The following TVP23C variants were observed in gnomAD, a reference collection of about 807,000 sequenced individuals.
TVP23C encodes Golgi apparatus membrane protein TVP23 homolog C.
In TVP23C, 19 loss-of-function variants were observed where a neutral mutation model predicts 28.7. The observed-to-expected ratio is 0.66, with a 90% CI of 0.46 to 0.97. TVP23C has a LOEUF of 0.97. Ranked by LOEUF, TVP23C falls within the 50% of genes least tolerant of loss-of-function variation. The pLI, the probability that TVP23C is intolerant of heterozygous loss-of-function variation, is 0.00. For missense variants in TVP23C, 186 were observed against 241.3 expected, an observed-to-expected ratio of 0.77 and a Z score of 1.52; for synonymous variants, 68 against 81.7, an observed-to-expected ratio of 0.83 and a Z score of 0.90.
chr17:15,560,210 C>T (rs569257874), intron 1 of TVP23C, among the ~76,000 whole-genome samples: 7 of 149,524 alleles, frequency 4.7e-5, no homozygotes, highest in African/African-American at 1.7e-4. Flanking sequence ...AGACTACAGG[C>T]ACATGCCACC....
At chr17:15,528,232 T>C (rs1982806713) in intron 5 of TVP23C, among the ~76,000 whole-genome samples, 1 of 152,254 alleles carries the variant, frequency 6.6e-6, no homozygotes, top group South Asian at 2.1e-4. Context: ...AATAAGTGTT[T>C]ACTGTTACGG....
At chr17:15,554,291 T>C (rs1984030414) in intron 2 of TVP23C, among the ~76,000 whole-genome samples, 1 of 150,620 alleles carries the variant, frequency 6.6e-6, no homozygotes, top group Admixed American at 6.6e-5. Flanking sequence ...AGGCTGGAGT[T>C]TGGTGGCGCA....
Position 15,537,272 on chromosome 17 carries a change from G to C in TVP23C, c.*3140C>G. On this transcript the variant is annotated 3_prime_UTR_variant, in exon 6 of 6. Transcript: ENST00000518321. ...CATAATTTACAATATCCCCATTATA[G>C]CAAGAAAAAAATAGATTCAGAAAAT... The C allele has an allele frequency of 1.5e-6, 1 of 672,888 alleles. No individual in the cohort carries two copies. The highest frequency in any genetic ancestry group is 1.8e-6 in the Non-Finnish European group (1 of 548,072). 41.7% of individuals were successfully genotyped at this position (672,888 alleles called of 1,614,324 possible). A position where few individuals can be genotyped will look rare whatever the true frequency, so the allele number is the denominator to read the frequency against.
At position 15,553,878 on chromosome 17, in the gene TVP23C, G is replaced by T. The variant is rs773895742; in HGVS notation, c.96-49C>A. The T allele has an allele frequency of 8.7e-6, 14 of 1,609,496 alleles. No individual in the cohort carries two copies. The Admixed American group carries it at 2.0e-4, about 23-fold the overall frequency. On this transcript the variant is annotated intron_variant, in intron 2 of 5. Transcript: ENST00000518321. ...GAAATGCAATTACATTTTACTACAG[G>T]TACTAGCAAATGTAGAGAAAAATGT...
At chr17:15,508,704 T>C (rs1981876553) in intron 5 of TVP23C, among the ~76,000 whole-genome samples, 2 of 152,222 alleles carry the variant, frequency 1.3e-5, no homozygotes, top group Non-Finnish European at 2.9e-5. Flanking sequence ...ACTAATAGCT[T>C]ACAAACGAGC....
chr17:15,561,018 G>T (rs912640842), intron 1 of TVP23C, among the ~76,000 whole-genome samples: 9 of 152,042 alleles, frequency 5.9e-5, no homozygotes, highest in African/African-American at 2.2e-4. Context: ...TAGACAGGAA[G>T]ACCTAAGAAT....
chr17:15,526,214 C>G (rs532121534), intron 5 of TVP23C, among the ~76,000 whole-genome samples: 2 of 152,136 alleles, frequency 1.3e-5, no homozygotes, highest in African/African-American at 4.8e-5. Flanking sequence ...TACCTTTGGC[C>G]TAATCCTGAG....
chr17:15,530,478 A>C (rs1334867802), intron 5 of TVP23C, among the ~76,000 whole-genome samples: 1 of 152,170 alleles, frequency 6.6e-6, no homozygotes, highest in Non-Finnish European at 1.5e-5. Flanking sequence ...ATCTTTTATA[A>C]GTTATAACCC....
intron 2 of TVP23C, 112 bp from the exon 3 acceptor site, chr17:15,553,941 T>C: frequency 6.4e-7 from 1 of 1,558,808 alleles, no homozygotes; most frequent in South Asian, 1.2e-5. Flanking sequence ...TTTGTCAAAA[T>C]AAAAGAGGTG....
chr17:15,529,130 T>C (rs558333741), intron 5 of TVP23C, among the ~76,000 whole-genome samples: 2 of 152,270 alleles, frequency 1.3e-5, no homozygotes, highest in South Asian at 2.1e-4. Flanking sequence ...ATGTGGATTA[T>C]CTCATTTAGT....
rs547211077 is a variant in TVP23C at position 15,559,170 on chromosome 17, T to C, written c.13-3806A>G. Among the ~76,000 whole-genome samples, 108 of 148,016 alleles carry C rather than the reference T, an allele frequency of 7.3e-4. 8 individuals carry two copies. In the South Asian group the frequency reaches 0.023, roughly 31 times the overall value. Reference sequence around the variant, plus strand: ...TTAAACATGCCAAACTTGGGCCCCGTCAGGTTCTTTTGCACTTATGGTTCA... The same window carrying C: ...TTAAACATGCCAAACTTGGGCCCCGCCAGGTTCTTTTGCACTTATGGTTCA... On this transcript the variant is annotated intron_variant, in intron 1 of 5. Transcript: ENST00000518321.
chr17:15,545,979 T>C (rs1404229397), intron 4 of TVP23C, 63 bp from the exon 5 acceptor site: 3 of 1,571,970 alleles, frequency 1.9e-6, no homozygotes, highest in Admixed American at 1.9e-5. Flanking sequence ...GTTCAACATA[T>C]TTAATAAAAA....
chr17:15,557,813 T>C (rs370433839), intron 1 of TVP23C, among the ~76,000 whole-genome samples: 1 of 138,636 alleles, frequency 7.2e-6, no homozygotes, highest in Non-Finnish European at 1.6e-5. Flanking sequence ...TGGAGGAGAG[T>C]TTGTCAGCTG....
intron 1 of TVP23C, among the ~76,000 whole-genome samples, chr17:15,556,564 G>A (rs1244433228): frequency 2.0e-5 from 3 of 151,842 alleles, no homozygotes; most frequent in Admixed American, 6.6e-5. Flanking sequence ...AGGTTTCACC[G>A]TGTTAACCAG....
chr17:15,509,043 G>A (rs1340939668), intron 5 of TVP23C, among the ~76,000 whole-genome samples: 4 of 152,214 alleles, frequency 2.6e-5, no homozygotes, highest in African/African-American at 9.6e-5. Flanking sequence ...GTTTACATTA[G>A]TAAATAAATA....
At chr17:15,528,839 C>T (rs1483620363) in intron 5 of TVP23C, among the ~76,000 whole-genome samples, 1 of 151,428 alleles carries the variant, frequency 6.6e-6, no homozygotes, top group East Asian at 1.9e-4. Context: ...CTCAAGTGAC[C>T]TGCCCGCCTC....
intron 5 of TVP23C, among the ~76,000 whole-genome samples, chr17:15,520,747 A>G (rs1462305916): frequency 3.3e-5 from 5 of 152,312 alleles, no homozygotes; most frequent in Middle Eastern, 3.4e-3. Flanking sequence ...GGTGCTTGAT[A>G]CCACCATGTC....
intron 3 of TVP23C, among the ~76,000 whole-genome samples, chr17:15,549,141 T>G (rs112353863): frequency 6.6e-6 from 1 of 152,214 alleles, no homozygotes; most frequent in Non-Finnish European, 1.5e-5. Context: ...CATGAGTTTA[T>G]GAAAGGGGCC....
intron 5 of TVP23C, among the ~76,000 whole-genome samples, chr17:15,527,081 C>T (rs137938550): frequency 1.3e-4 from 20 of 152,220 alleles, no homozygotes; most frequent in African/African-American, 2.9e-4. Flanking sequence ...AAATCAGGAG[C>T]GAGAGGGAGA....
Sources: gnomAD v4.1 joint callset for allele counts (sites outside exome capture counted in the v4.1 genomes callset) on GRCh38, gnomAD v4.1.1 for gene constraint, MANE v1.5 for transcripts, NCBI Gene and HGNC (gene_info 2026-07-23, HGNC 2026-07-21) for gene names.